The following LRP2 variants were observed in gnomAD, a reference collection of about 807,000 sequenced individuals.
LRP2 encodes low-density lipoprotein receptor-related protein 2.
A neutral mutation model predicts 531.0 loss-of-function variants in LRP2; 172 were observed. The observed-to-expected ratio is 0.32, with a 90% confidence interval of 0.29 to 0.37. LRP2 has a LOEUF of 0.37. Among genes scored for constraint, LRP2 ranks in the 10% least tolerant of loss-of-function variants. The pLI, the probability that LRP2 is intolerant of heterozygous loss-of-function variation, is 1.00. For missense variants in LRP2, 5,167 were observed against 5,868.3 expected, an observed-to-expected ratio of 0.88 and a Z score of 3.90; for synonymous variants, 1,992 against 2,027.6, an observed-to-expected ratio of 0.98 and a Z score of 0.47.
chr2:169,168,701 TC>T (rs772975730), intron 60 of LRP2, 25 bp from the exon 61 acceptor site: 3 of 1,613,712 alleles, frequency 1.9e-6, no homozygotes, highest in Non-Finnish European at 2.5e-6. Context: ...AAAAACATAT[TC>T]AAATTATTAT....
At chr2:169,217,821 T>C (rs1219829625) in intron 34 of LRP2, among the ~76,000 whole-genome samples, 1 of 152,192 alleles carries the variant, frequency 6.6e-6, no homozygotes, top group Non-Finnish European at 1.5e-5. Context: ...TTCTTCATCC[T>C]TGATCTTTCA....
chr2:169,176,360 G>T (rs746636498), intron 54 of LRP2, 51 bp downstream of exon 54: 166 of 1,607,340 alleles, frequency 1.0e-4, no homozygotes, highest in Non-Finnish European at 8.3e-5. Context: ...GAAGGTCAAT[G>T]TCTGTCCACG....
intron 1 of LRP2, among the ~76,000 whole-genome samples, chr2:169,336,262 G>C (rs1380801360): frequency 6.6e-6 from 1 of 152,048 alleles, no homozygotes; most frequent in East Asian, 1.9e-4. Flanking sequence ...ATGAGGCCAG[G>C]CGCAGTGGCT....
At chr2:169,225,895 G>T (rs1263293031) in intron 32 of LRP2, among the ~76,000 whole-genome samples, 1 of 152,220 alleles carries the variant, frequency 6.6e-6, no homozygotes, top group Non-Finnish European at 1.5e-5. Context: ...CTGAGGAAGA[G>T]AACTGGAGAA....
At chr2:169,285,849 G>C (rs1039156698) in intron 9 of LRP2, among the ~76,000 whole-genome samples, 1 of 152,164 alleles carries the variant, frequency 6.6e-6, no homozygotes, top group East Asian at 1.9e-4. Flanking sequence ...TTCGTGTCAG[G>C]ATTATTCAAT....
chr2:169,194,598 T>C (rs542921806), intron 46 of LRP2, among the ~76,000 whole-genome samples: 70 of 152,252 alleles, frequency 4.6e-4, no homozygotes, highest in African/African-American at 1.5e-3. Context: ...ACCCTGGAAT[T>C]AGCCTAAGGC....
rs758068478 is a variant in LRP2, at chr2:169,246,768, A to C, written c.3127T>G (p.Tyr1043Asp). The change falls in exon 21 of 79, where the codon TAT becomes GAT. Residue 1043 changes from tyrosine (Y) to aspartate (D), a missense_variant. Transcript: ENST00000649046. ...CAATCATCGACTCCATCACAGAGATAGTAATTGGGCACACATCTGCCATTT... is the reference window on the plus strand; with the variant it reads ...CAATCATCGACTCCATCACAGAGATCGTAATTGGGCACACATCTGCCATTT... Reference protein sequence around the residue: ...CKNGRCVPNYYLCDGVDDCHD... With the variant: ...CKNGRCVPNYDLCDGVDDCHD... The C allele has an allele frequency of 6.2e-7, 1 of 1,614,222 alleles. No individual in the cohort carries two copies. Among genetic ancestry groups the C allele is most frequent in the Non-Finnish European group, 8.5e-7 (1 of 1,180,022 alleles).
In LRP2 at chr2:169,132,568, T is replaced by G; in HGVS notation, c.13728+6A>C. The stretch of plus-strand genomic sequence containing the variant: ...CCACATTATTTCAGGAGTCGGCAAC[T>G]GTTACCTGAGTTCCATCAGCAGCTG... On this transcript the variant is annotated splice_donor_region_variant and intron_variant, in intron 77 of 78. Transcript: ENST00000649046. 1.3e-6 allele frequency: 2 copies of G among 1,563,240 alleles called. No homozygotes were observed. The highest frequency in any genetic ancestry group is 1.8e-6 in the Non-Finnish European group (2 of 1,133,664).
chr2:169,136,163 G>A (rs953317141), intron 76 of LRP2, among the ~76,000 whole-genome samples: 3 of 151,568 alleles, frequency 2.0e-5, no homozygotes, highest in East Asian at 1.9e-4. Flanking sequence ...AATTCTACAC[G>A]ACAAATGTTT....
intron 9 of LRP2, among the ~76,000 whole-genome samples, chr2:169,285,690 A>G (rs1278368640): frequency 6.6e-6 from 1 of 151,906 alleles, no homozygotes; most frequent in East Asian, 1.9e-4. Flanking sequence ...CCCTGCCCTC[A>G]CTCTGCACCA....
In LRP2 at chr2:169,137,308, G is replaced by T. The variant is rs887640468; in HGVS notation, c.13620+84C>A. On this transcript the variant is annotated intron_variant, in intron 76 of 78. Transcript: ENST00000649046. Reference sequence around the variant, plus strand: ...ATGCTTCCTTCCCTTTGGAGGGAAGGTTAGGAAAATCCTAAGACATGACTC... The same window carrying T: ...ATGCTTCCTTCCCTTTGGAGGGAAGTTTAGGAAAATCCTAAGACATGACTC... 15 of 1,035,708 alleles carry T rather than the reference G, an allele frequency of 1.4e-5. No homozygotes were observed. In the African/African-American group the frequency reaches 1.6e-4, roughly 11 times the overall value. The allele number at this position is 1,035,708 out of a possible 1,614,324, so 64.2% of individuals were successfully genotyped here. A position where few individuals can be genotyped will look rare whatever the true frequency, so the allele number is the denominator to read the frequency against.
At chr2:169,317,560 C>G (rs1684797130) in intron 3 of LRP2, among the ~76,000 whole-genome samples, 1 of 152,098 alleles carries the variant, frequency 6.6e-6, no homozygotes, top group Admixed American at 6.6e-5. Context: ...TGGAACAACC[C>G]TATAGTTAGG....
At position 169,241,820 on chromosome 2, in the gene LRP2, T is replaced by A. The variant is rs560486118; in HGVS notation, c.3668-455A>T. Among the ~76,000 whole-genome samples the A allele has an allele frequency of 6.6e-5, 10 of 152,354 alleles. No individual in the cohort carries two copies. The South Asian group carries it at 1.7e-3, about 25-fold the overall frequency. ...TTATTATTTTCCCTCAGATGAACTA[T>A]ACCTAATGAAACCATCACACACTAA... On this transcript the variant is annotated intron_variant, in intron 24 of 78. Transcript: ENST00000649046.
At chr2:169,205,430 G>A in intron 41 of LRP2, 49 bp downstream of exon 41, 1 of 1,601,276 alleles carries the variant, frequency 6.2e-7, no homozygotes, top group Non-Finnish European at 8.6e-7. Flanking sequence ...TTTGGAAATG[G>A]AAGAAAAACC....
intron 34 of LRP2, among the ~76,000 whole-genome samples, chr2:169,219,003 G>A (rs1688893030): frequency 6.6e-6 from 1 of 152,122 alleles, no homozygotes; most frequent in Non-Finnish European, 1.5e-5. Flanking sequence ...TCAACAGTTA[G>A]CTATCTTAAC....
chr2:169,336,504 C>T (rs1242612271), intron 1 of LRP2, among the ~76,000 whole-genome samples: 1 of 151,896 alleles, frequency 6.6e-6, no homozygotes, highest in African/African-American at 2.4e-5. Flanking sequence ...TGGACTACTA[C>T]ACCCCAGCCT....
At chr2:169,261,774 A>T (rs1050494860) in intron 16 of LRP2, among the ~76,000 whole-genome samples, 5 of 152,086 alleles carry the variant, frequency 3.3e-5, no homozygotes, top group South Asian at 2.1e-4. Flanking sequence ...TACCAAAGCC[A>T]GGCAGAGACA....
rs142613860 is a variant in LRP2, at chr2:169,206,086, G to C, written c.7493C>G (p.Ser2498Cys). Residue 2498 changes from serine (S) to cysteine (C), a missense_variant, in exon 40 of 79, where the codon TCT becomes TGT. Ser to Cys is a moderately radical substitution (Grantham distance 112). Coordinates refer to ENST00000649046, the MANE Select transcript of LRP2 (RefSeq NM_004525.3). ...QMINSMAEDG[S>C]NRTVIARVPK... ...AACGCGGGCTATCACAGTGCGGTTA[G>C]ACCCATCTTCAGCCATGGAATTAAT... 10 of 1,614,094 alleles carry C rather than the reference G, an allele frequency of 6.2e-6. No homozygotes were observed. In the African/African-American group the frequency reaches 1.1e-4, roughly 17 times the overall value.
chr2:169,247,604 T>G, intron 19 of LRP2, 89 bp from the exon 20 acceptor site: 6 of 1,374,096 alleles, frequency 4.4e-6, no homozygotes, highest in Non-Finnish European at 6.2e-6. Flanking sequence ...CTTGAAATGC[T>G]TCTTGCAAGT....
Sources: gnomAD v4.1 joint callset for allele counts (sites outside exome capture counted in the v4.1 genomes callset) on GRCh38, gnomAD v4.1.1 for gene constraint, MANE v1.5 for transcripts, NCBI Gene and HGNC (gene_info 2026-07-23, HGNC 2026-07-21) for gene names.